ALG8: variants seen among roughly 807,000 people sequenced by gnomAD.
ALG8 encodes dolichyl pyrophosphate Glc1Man9GlcNAc2 alpha-1,3-glucosyltransferase.
In ALG8, 48 loss-of-function variants were observed where a neutral mutation model predicts 70.2. The observed-to-expected ratio is 0.68, with a 90% CI of 0.54 to 0.87. ALG8 has a LOEUF of 0.87. Ranked by LOEUF, ALG8 falls within the 40% of genes least tolerant of loss-of-function variation. The probability of loss-of-function intolerance (pLI) is 0.00; values close to 1 mark genes in which losing one functional copy is unlikely to be tolerated. For synonymous variants in ALG8, 234 were observed against 229.0 expected, an observed-to-expected ratio of 1.02 and a Z score of -0.20; for missense variants, 572 against 608.7, an observed-to-expected ratio of 0.94 and a Z score of 0.64.
chr11:78,126,020 A>G (rs1628415), intron 2 of ALG8, among the ~76,000 whole-genome samples: 33,007 of 151,616 alleles, frequency 0.22, 4,422 homozygotes, highest in African/African-American at 0.38. Context: ...TTAGCCTGGC[A>G]TGGTGGCGGG....
At chr11:78,120,962 C>G (rs1860796491) in intron 4 of ALG8, 103 bp downstream of exon 4, 1 of 1,130,086 alleles carries the variant, frequency 8.8e-7, no homozygotes, top group Admixed American at 1.9e-5. Context: ...CACTCATTTT[C>G]AGAAGGAGCT....
intron 5 of ALG8, among the ~76,000 whole-genome samples, chr11:78,115,211 T>A (rs931587159): frequency 3.3e-5 from 5 of 152,012 alleles, no homozygotes; most frequent in African/African-American, 4.8e-5. Flanking sequence ...TTTTGTATTT[T>A]TTAGTAGAGA....
At chr11:78,106,406 C>G (rs770944134) in intron 10 of ALG8, among the ~76,000 whole-genome samples, 6 of 152,144 alleles carry the variant, frequency 3.9e-5, no homozygotes, top group Non-Finnish European at 7.3e-5. Context: ...ACCATGTTAG[C>G]CAGGATAGTC....
chr11:78,122,549 C>G (rs951571065), intron 3 of ALG8, among the ~76,000 whole-genome samples: 1 of 152,022 alleles, frequency 6.6e-6, no homozygotes. Context: ...ACCATGTTAT[C>G]CAGGCTGGTC....
At chr11:78,102,157 C>G (rs1034383024) in intron 12 of ALG8, among the ~76,000 whole-genome samples, 5 of 152,056 alleles carry the variant, frequency 3.3e-5, no homozygotes, top group African/African-American at 9.7e-5. Context: ...TAATATGCGC[C>G]CATCGCCACT....
intron 11 of ALG8, 52 bp downstream of exon 11, chr11:78,104,304 G>A: frequency 2.7e-6 from 4 of 1,460,476 alleles, no homozygotes; most frequent in South Asian, 1.3e-5. Context: ...TGTGGGCCTC[G>A]ATGAAAAGGT....
At chr11:78,129,524 A>C (rs553736008) in intron 1 of ALG8, among the ~76,000 whole-genome samples, 10 of 152,344 alleles carry the variant, frequency 6.6e-5, no homozygotes, top group African/African-American at 2.4e-4. Context: ...TGGTGTTTTC[A>C]CACAATGGAA....
chr11:78,110,987 T>A (rs2136895530), intron 8 of ALG8, among the ~76,000 whole-genome samples: 1 of 152,344 alleles, frequency 6.6e-6, no homozygotes, highest in South Asian at 2.1e-4. Context: ...CCTCATACTA[T>A]GCTGGCTGTT....
At chr11:78,132,692 C>G (rs3017590) in intron 1 of ALG8, among the ~76,000 whole-genome samples, 21,885 of 152,036 alleles carry the variant, frequency 0.14, 1,695 homozygotes, top group East Asian at 0.28. Flanking sequence ...CTTGCACACA[C>G]CACATACTCT....
At chr11:78,120,783 T>C (rs1449779166) in intron 4 of ALG8, among the ~76,000 whole-genome samples, 1 of 152,232 alleles carries the variant, frequency 6.6e-6, no homozygotes, top group South Asian at 2.1e-4. Flanking sequence ...TTAATATATA[T>C]GTATCAGATT....
chr11:78,121,548 C>G (rs564742), intron 3 of ALG8, among the ~76,000 whole-genome samples: 31,322 of 145,198 alleles, frequency 0.22, 4,207 homozygotes, highest in African/African-American at 0.38. Flanking sequence ...GTAAGACCTT[C>G]TCACTAGAAA....
At chr11:78,125,963 T>C (rs1315331367) in intron 2 of ALG8, among the ~76,000 whole-genome samples, 1 of 150,814 alleles carries the variant, frequency 6.6e-6, no homozygotes, top group Non-Finnish European at 1.5e-5. Context: ...ATCGAGACCA[T>C]CCTGGCTAAT....
At chr11:78,106,207 T>A (rs2136881938) in intron 10 of ALG8, among the ~76,000 whole-genome samples, 2 of 152,262 alleles carry the variant, frequency 1.3e-5, no homozygotes, top group East Asian at 3.9e-4. Context: ...TTTTCTTTTT[T>A]TCATTTTTGA....
At chr11:78,104,906 G>A (rs1166189213) in intron 10 of ALG8, among the ~76,000 whole-genome samples, 1 of 151,802 alleles carries the variant, frequency 6.6e-6, no homozygotes, top group Non-Finnish European at 1.5e-5. Context: ...AGAGGATGCA[G>A]TGAGCCGAGA....
chr11:78,134,767 A>G (rs1348575368), intron 1 of ALG8, among the ~76,000 whole-genome samples: 1 of 152,254 alleles, frequency 6.6e-6, no homozygotes, highest in Non-Finnish European at 1.5e-5. Context: ...GATATCATGC[A>G]GCAATTCAAT....
intron 1 of ALG8, among the ~76,000 whole-genome samples, chr11:78,135,560 A>T (rs1353099000): frequency 6.6e-6 from 1 of 151,370 alleles, no homozygotes; most frequent in African/African-American, 2.4e-5. Flanking sequence ...AATACATTTA[A>T]AAAAAAAGCC....
In ALG8 at chr11:78,119,246, A is replaced by G. The variant is rs373493408; in HGVS notation, c.482T>C (p.Ile161Thr). The G allele has an allele frequency of 2.0e-5, 33 of 1,610,040 alleles. No individual in the cohort carries two copies. In the East Asian group the frequency reaches 4.0e-4, roughly 20 times the overall value. ...TAAAAAGCCATTGTACTGAAAATGA[A>G]TATCTGGACTTAGGTCAAGGAAAGA... Reference protein sequence around the residue: ...WNFGLLIVDHIHFQYNGFLFG... With the variant: ...WNFGLLIVDHTHFQYNGFLFG... The change falls in exon 5 of 13, where the codon ATT (isoleucine) becomes ACT (threonine). Residue 161 changes from isoleucine to threonine, a missense_variant. Ile to Thr is a moderately conservative substitution (Grantham distance 89). Transcript: ENST00000299626.
chr11:78,107,289 C>T (rs1011705920), intron 9 of ALG8, among the ~76,000 whole-genome samples: 6 of 148,582 alleles, frequency 4.0e-5, no homozygotes, highest in East Asian at 2.0e-4. Context: ...GGTGCGATCT[C>T]GGCTCACTGC....
chr11:78,118,166 T>C (rs996178736), intron 5 of ALG8, among the ~76,000 whole-genome samples: 1 of 152,142 alleles, frequency 6.6e-6, no homozygotes, highest in African/African-American at 2.4e-5. Context: ...TCATTAACAT[T>C]AGTCAGGATT....
Sources: gnomAD v4.1 joint callset for allele counts (sites outside exome capture counted in the v4.1 genomes callset) on GRCh38, gnomAD v4.1.1 for gene constraint, MANE v1.5 for transcripts, NCBI Gene and HGNC (gene_info 2026-07-23, HGNC 2026-07-21) for gene names.